Variants in RAB38 observed in about 807,000 individuals in gnomAD.
RAB38 encodes ras-related protein Rab-38.
In RAB38, 15 loss-of-function variants were observed where a neutral mutation model predicts 18.4. The observed-to-expected ratio is 0.82, with a 90% CI of 0.55 to 1.26. RAB38 has a LOEUF of 1.26. RAB38 is among the 50% of genes most tolerant of loss of function. The pLI is 0.00. For missense variants in RAB38, 294 were observed against 267.4 expected, an observed-to-expected ratio of 1.10 and a Z score of -0.69; for synonymous variants, 101 against 104.4, an observed-to-expected ratio of 0.97 and a Z score of 0.20.
the RAB38 span, among the ~76,000 whole-genome samples, chr11:87,895,452 G>A: frequency 6.6e-6 from 1 of 151,552 alleles, no homozygotes; most frequent in Non-Finnish European, 1.5e-5. Flanking sequence ...AGAGAAGAAA[G>A]AATAGCAGAG....
the RAB38 span, among the ~76,000 whole-genome samples, chr11:87,946,886 A>C: frequency 1.5e-3 from 231 of 152,308 alleles, 1 homozygote; most frequent in African/African-American, 5.1e-3. Context: ...CATGATTTAC[A>C]ATCCTTTGGG....
the RAB38 span, among the ~76,000 whole-genome samples, chr11:87,834,763 T>G: frequency 6.6e-6 from 1 of 152,232 alleles, no homozygotes; most frequent in Non-Finnish European, 1.5e-5. Flanking sequence ...GTCATTGACA[T>G]GCAGCATCAT....
At chr11:88,145,622 T>C (rs963676175) in intron 2 of RAB38, among the ~76,000 whole-genome samples, 3 of 151,958 alleles carry the variant, frequency 2.0e-5, no homozygotes, top group African/African-American at 4.8e-5. Context: ...CCTGAAGATA[T>C]ACTAACAAGA....
At chr11:87,834,778 T>C in the RAB38 span, among the ~76,000 whole-genome samples, 1 of 152,196 alleles carries the variant, frequency 6.6e-6, no homozygotes, top group African/African-American at 2.4e-5. Flanking sequence ...CATCATTGCT[T>C]AATCTATAAA....
chr11:88,029,461 C>T, the RAB38 span, among the ~76,000 whole-genome samples: 1 of 152,146 alleles, frequency 6.6e-6, no homozygotes, highest in East Asian at 1.9e-4. Context: ...CAAGACCCAT[C>T]AGTGTGCGGT....
At chr11:87,923,080 A>G in the RAB38 span, among the ~76,000 whole-genome samples, 1 of 151,990 alleles carries the variant, frequency 6.6e-6, no homozygotes, top group Non-Finnish European at 1.5e-5. Flanking sequence ...ACAACAACTG[A>G]TTTAATCATG....
chr11:88,087,777 T>C, the RAB38 span, among the ~76,000 whole-genome samples: 1 of 151,928 alleles, frequency 6.6e-6, no homozygotes, highest in Non-Finnish European at 1.5e-5. Context: ...GCGTCTTATG[T>C]CAGTGAACAA....
the RAB38 span, among the ~76,000 whole-genome samples, chr11:87,818,158 T>C: frequency 6.6e-6 from 1 of 152,206 alleles, no homozygotes; most frequent in Non-Finnish European, 1.5e-5. Context: ...AGATCTGGGA[T>C]AAGGCTTGAT....
chr11:88,043,603 C>CA, the RAB38 span, among the ~76,000 whole-genome samples: 1 of 38,744 alleles, frequency 2.6e-5, no homozygotes, highest in African/African-American at 5.4e-5. Context: ...CACCTTGTGA[C>CA]CCCCCCACCC....
the RAB38 span, among the ~76,000 whole-genome samples, chr11:88,089,984 C>A: frequency 8.0e-4 from 122 of 151,872 alleles, 1 homozygote; most frequent in East Asian, 0.022. Context: ...TGGGTGGGAC[C>A]CACCTCAGAA....
At chr11:87,923,820 G>A in the RAB38 span, among the ~76,000 whole-genome samples, 1 of 151,942 alleles carries the variant, frequency 6.6e-6, no homozygotes, top group South Asian at 2.1e-4. Context: ...TGTGAAGGTA[G>A]CATTTGCATC....
At chr11:87,974,277 T>C in the RAB38 span, among the ~76,000 whole-genome samples, 3 of 150,326 alleles carry the variant, frequency 2.0e-5, no homozygotes, top group Non-Finnish European at 4.4e-5. Flanking sequence ...ACAGAAAAAA[T>C]AGAAGCTATA....
chr11:88,059,762 G>C, the RAB38 span, among the ~76,000 whole-genome samples: 3 of 147,736 alleles, frequency 2.0e-5, no homozygotes, highest in Admixed American at 6.6e-5. Context: ...CTATGTACCA[G>C]CACTTCAACA....
At chr11:87,872,572 CT>C in the RAB38 span, among the ~76,000 whole-genome samples, 3 of 151,634 alleles carry the variant, frequency 2.0e-5, no homozygotes, top group South Asian at 2.1e-4. Flanking sequence ...TTTCACTGCC[CT>C]AAAAATCCCC....
At chr11:88,126,459 C>T (rs548543111) in intron 2 of RAB38, among the ~76,000 whole-genome samples, 2 of 152,056 alleles carry the variant, frequency 1.3e-5, no homozygotes, top group Non-Finnish European at 2.9e-5. Context: ...GACAAAAAAA[C>T]CAAACACTGC....
chr11:87,805,683 G>A, the RAB38 span, among the ~76,000 whole-genome samples: 1 of 151,006 alleles, frequency 6.6e-6, no homozygotes, highest in East Asian at 1.9e-4. Context: ...ATGCATGTGT[G>A]TATATACATA....
At chr11:88,132,552 G>C (rs1459848082) in intron 2 of RAB38, among the ~76,000 whole-genome samples, 1 of 152,172 alleles carries the variant, frequency 6.6e-6, no homozygotes, top group Admixed American at 6.5e-5. Flanking sequence ...CTGCATCCCA[G>C]GTTCAAGTGA....
chr11:88,080,861 GGGA>G, the RAB38 span, among the ~76,000 whole-genome samples: 1 of 147,940 alleles, frequency 6.8e-6, no homozygotes, highest in Admixed American at 6.8e-5. Context: ...GAAGGAGGGA[GGGA>G]GGGAGGGAGG....
chr11:87,861,927 A>G, the RAB38 span, among the ~76,000 whole-genome samples: 1 of 151,812 alleles, frequency 6.6e-6, no homozygotes, highest in Non-Finnish European at 1.5e-5. Flanking sequence ...CAACATCACT[A>G]ATCATTAGAG....
Sources: allele counts gnomAD v4.1 joint callset (sites outside exome capture counted in the v4.1 genomes callset), GRCh38; gene constraint gnomAD v4.1.1; transcripts MANE v1.5; gene names NCBI Gene and HGNC (gene_info 2026-07-23, HGNC 2026-07-21).